VWA8: variants seen among roughly 807,000 people sequenced by gnomAD.
VWA8 encodes von Willebrand factor A domain-containing protein 8.
A neutral mutation model predicts 241.5 loss-of-function variants in VWA8; 221 were observed. The observed-to-expected ratio is 0.91, with a 90% CI of 0.82 to 1.02. VWA8 has a LOEUF of 1.02. Among genes scored for constraint, VWA8 ranks in the 50% least tolerant of loss-of-function variants. The pLI is 0.00. For missense variants in VWA8, 2,322 were observed against 2,328.7 expected (o/e 1.00, Z 0.06); for synonymous variants, 852 against 827.1 (o/e 1.03, Z -0.52).
intron 12 of VWA8, among the ~76,000 whole-genome samples, chr13:41,857,287 A>T: frequency 6.6e-6 from 1 of 152,202 alleles, no homozygotes. Flanking sequence ...AAGCGTTAAT[A>T]TACATATGCA....
At chr13:41,617,294 T>C (rs1222826753) in intron 37 of VWA8, among the ~76,000 whole-genome samples, 2 of 152,098 alleles carry the variant, frequency 1.3e-5, no homozygotes, top group Non-Finnish European at 2.9e-5. Flanking sequence ...AATTTTTTTA[T>C]TTTTAGTAGA....
chr13:41,764,294 CCTT>C (rs145157883), intron 20 of VWA8, among the ~76,000 whole-genome samples: 2 of 152,238 alleles, frequency 1.3e-5, no homozygotes, highest in African/African-American at 2.4e-5. Context: ...TTCCTTGTCT[CCTT>C]CATTCCTCTT....
At chr13:41,672,991 T>C (rs1260589930) in intron 36 of VWA8, among the ~76,000 whole-genome samples, 1 of 152,144 alleles carries the variant, frequency 6.6e-6, no homozygotes, top group African/African-American at 2.4e-5. Context: ...AACTTTACAT[T>C]TACAGGCAAT....
At chr13:41,691,791 T>C in intron 31 of VWA8, 83 bp downstream of exon 31, 7 of 1,112,754 alleles carry the variant, frequency 6.3e-6, no homozygotes, top group Non-Finnish European at 9.3e-6. Context: ...ATTCACTTTA[T>C]AGTAAACAAG....
intron 19 of VWA8, among the ~76,000 whole-genome samples, chr13:41,778,865 G>A (rs1311480035): frequency 2.4e-5 from 3 of 125,998 alleles, no homozygotes; most frequent in Admixed American, 8.8e-5. Flanking sequence ...TTTTTGAGGC[G>A]GAGTCTTACT....
chr13:41,690,818 C>T (rs541750762), intron 32 of VWA8, among the ~76,000 whole-genome samples: 5 of 152,070 alleles, frequency 3.3e-5, no homozygotes, highest in Admixed American at 6.6e-5. Flanking sequence ...TGCTCAAAGT[C>T]GACACCGCCT....
At chr13:41,700,535 A>G (rs2045242873) in intron 28 of VWA8, among the ~76,000 whole-genome samples, 1 of 152,192 alleles carries the variant, frequency 6.6e-6, no homozygotes, top group Non-Finnish European at 1.5e-5. Flanking sequence ...GGCATAATAT[A>G]GGGCACTGGG....
At chr13:41,778,604 C>T (rs559379226) in intron 19 of VWA8, among the ~76,000 whole-genome samples, 5 of 151,892 alleles carry the variant, frequency 3.3e-5, no homozygotes, top group Admixed American at 2.0e-4. Context: ...TTACATTGCT[C>T]TTTTGTATCT....
chr13:41,906,927 T>C (rs2138107064), intron 4 of VWA8, among the ~76,000 whole-genome samples: 1 of 152,300 alleles, frequency 6.6e-6, no homozygotes, highest in East Asian at 1.9e-4. Context: ...CTTTTAATTT[T>C]TATTTTTGTA....
chr13:41,691,638 AAAT>A (rs1237277784), intron 31 of VWA8, among the ~76,000 whole-genome samples, 193 bp from the exon 32 acceptor site: 1 of 152,138 alleles, frequency 6.6e-6, no homozygotes, highest in Non-Finnish European at 1.5e-5. Context: ...GTATAAGTAA[AAAT>A]AATGGAAAGT....
chr13:41,590,534 T>A, intron 41 of VWA8, 106 bp downstream of exon 41: 1 of 1,202,464 alleles, frequency 8.3e-7, no homozygotes, highest in Non-Finnish European at 1.1e-6. Flanking sequence ...TTTCCTTGGT[T>A]ACCATATTCA....
In VWA8 at chr13:41,912,641, A is replaced by G. The variant is rs115421197; in HGVS notation, c.242-473T>C. On this transcript the variant is annotated intron_variant, in intron 2 of 44. Coordinates refer to ENST00000379310, the MANE Select transcript of VWA8 (RefSeq NM_015058.2). ...TAGTTAATGATTATCATAGTCTTAA[A>G]AAATCTGAGAAAAGCATACTACAAC... Among the ~76,000 whole-genome samples, 694 of 152,304 alleles carry G rather than the reference A, an allele frequency of 4.6e-3. 13 individuals are homozygous for G. Among genetic ancestry groups the G allele is most frequent in the African/African-American group, 0.015 (633 of 41,576 alleles).
In VWA8 at chr13:41,703,380, A is replaced by G; in HGVS notation, c.3148T>C (p.Tyr1050His). Residue 1050 changes from tyrosine to histidine, a missense_variant, in exon 27 of 45, where the codon TAC becomes CAC. Tyr to His is a moderately conservative substitution (Grantham distance 83). Transcript: ENST00000379310. ...CTTCTTGCCTGACCAATTGTCCAGTAGCCCATGAACGTTTGTTCTGGCAGA... is the reference window on the plus strand; with the variant it reads ...CTTCTTGCCTGACCAATTGTCCAGTGGCCCATGAACGTTTGTTCTGGCAGA... ...LTLPEQTFMG[Y>H]WTIGQARSGM... 6.2e-7 allele frequency: 1 copy of G among 1,614,126 alleles called. No individual in the cohort carries two copies. The highest frequency in any genetic ancestry group is 8.5e-7 in the Non-Finnish European group (1 of 1,179,980).
rs561867683 is a variant in VWA8 at position 41,912,268 on chromosome 13, A to G, written c.242-100T>C. 41 of 858,066 alleles carry G rather than the reference A, an allele frequency of 4.8e-5. No homozygotes were observed. In the African/African-American group the frequency reaches 7.0e-4, roughly 15 times the overall value. 53.2% of individuals were successfully genotyped at this position (858,066 alleles called of 1,614,324 possible). ...ATATTTATATATATATATAACGTAT[A>G]TAAAATATGTGTTTATCTGTGTATT... On this transcript the variant is annotated intron_variant, in intron 2 of 44. Coordinates refer to ENST00000379310, the MANE Select transcript of VWA8 (RefSeq NM_015058.2).
intron 12 of VWA8, among the ~76,000 whole-genome samples, chr13:41,844,202 G>A (rs1374972935): frequency 6.6e-6 from 1 of 152,102 alleles, no homozygotes; most frequent in African/African-American, 2.4e-5. Flanking sequence ...CAATAAATAT[G>A]ATCACCACAT....
intron 19 of VWA8, among the ~76,000 whole-genome samples, chr13:41,779,811 A>G (rs923228726): frequency 7.9e-5 from 12 of 152,182 alleles, no homozygotes; most frequent in Admixed American, 4.6e-4. Context: ...AATCCAAACT[A>G]TATCTGTGTT....
intron 39 of VWA8, among the ~76,000 whole-genome samples, chr13:41,607,546 C>A (rs2044560946): frequency 6.6e-6 from 1 of 152,142 alleles, no homozygotes; most frequent in African/African-American, 2.4e-5. Context: ...CCCTTCATAC[C>A]TAAACCGGTG....
intron 2 of VWA8, among the ~76,000 whole-genome samples, chr13:41,944,331 C>T (rs1366527820): frequency 6.6e-6 from 1 of 152,018 alleles, no homozygotes; most frequent in East Asian, 1.9e-4. Context: ...CGCCCTAACC[C>T]CATCCCCATG....
intron 37 of VWA8, among the ~76,000 whole-genome samples, chr13:41,651,891 G>A (rs1163478015): frequency 6.6e-6 from 1 of 152,106 alleles, no homozygotes; most frequent in Non-Finnish European, 1.5e-5. Context: ...GCTCCACCCT[G>A]GTGTGAGAAA....
Sources: allele counts gnomAD v4.1 joint callset (sites outside exome capture counted in the v4.1 genomes callset), GRCh38; gene constraint gnomAD v4.1.1; transcripts MANE v1.5; gene names NCBI Gene and HGNC (gene_info 2026-07-23, HGNC 2026-07-21).